LRRTM4: variants seen among roughly 807,000 people sequenced by gnomAD.
The protein encoded by LRRTM4 is leucine-rich repeat transmembrane neuronal protein 4.
In LRRTM4, 25 loss-of-function variants were observed where a neutral mutation model predicts 47.6. The observed-to-expected ratio is 0.53, with a 90% CI of 0.38 to 0.73. LRRTM4 has a LOEUF of 0.73. LRRTM4 is among the 30% of genes least tolerant of loss of function. LRRTM4 has a pLI of 0.00. For synonymous variants in LRRTM4, 311 were observed against 269.5 expected, an observed-to-expected ratio of 1.15 and a Z score of -1.51; for missense variants, 638 against 713.4, an observed-to-expected ratio of 0.89 and a Z score of 1.20.
In LRRTM4 at chr2:77,028,927, C is replaced by T. The variant is rs576653103; in HGVS notation, c.1552-280011G>A. Among the ~76,000 whole-genome samples, 104 of 150,700 alleles carry T rather than the reference C, an allele frequency of 6.9e-4. 1 individual carries two copies. The South Asian group carries it at 0.018, about 26-fold the overall frequency. ...GTGGGGGCCTGTAGTCCCAGCTACT[C>T]GGGAGGCTGAGGCAGGAGAATGGTG... On this transcript the variant is annotated intron_variant, in intron 3 of 3. Coordinates refer to ENST00000409884, the MANE Select transcript of LRRTM4 (RefSeq NM_001134745.3).
chr2:77,195,293 T>C (rs1045008277), intron 3 of LRRTM4, among the ~76,000 whole-genome samples: 10 of 151,918 alleles, frequency 6.6e-5, no homozygotes, highest in Non-Finnish European at 1.5e-4. Flanking sequence ...TCTTAATAAA[T>C]TATTAACATT....
At chr2:77,049,157 T>TATATAC (rs1351971551) in intron 3 of LRRTM4, among the ~76,000 whole-genome samples, 267 of 106,244 alleles carry the variant, frequency 2.5e-3, no homozygotes, top group Middle Eastern at 5.1e-3. Context: ...TATATATATA[T>TATATAC]ACACACACAC....
chr2:76,907,718 T>G (rs538204428), intron 3 of LRRTM4, among the ~76,000 whole-genome samples: 1,519 of 112,754 alleles, frequency 0.013, 11 homozygotes, highest in African/African-American at 0.049. Context: ...CAAACACCTC[T>G]ACGCAAATAA....
chr2:77,088,301 C>T (rs1454207631), intron 3 of LRRTM4, among the ~76,000 whole-genome samples: 1 of 152,146 alleles, frequency 6.6e-6, no homozygotes, highest in Non-Finnish European at 1.5e-5. Flanking sequence ...CCTGAAGTAA[C>T]TTAAGAATCA....
intron 3 of LRRTM4, among the ~76,000 whole-genome samples, chr2:77,193,790 T>C (rs1164450186): frequency 3.9e-5 from 6 of 152,100 alleles, no homozygotes; most frequent in African/African-American, 9.7e-5. Context: ...GAAAAAAATA[T>C]ATATTTTTCA....
At chr2:76,817,999 A>C (rs2103848020) in intron 3 of LRRTM4, among the ~76,000 whole-genome samples, 1 of 152,118 alleles carries the variant, frequency 6.6e-6, no homozygotes, top group East Asian at 1.9e-4. Flanking sequence ...ACTATGAATG[A>C]ATAAAAATCC....
intron 3 of LRRTM4, among the ~76,000 whole-genome samples, chr2:76,875,237 G>C (rs561279995): frequency 6.6e-6 from 1 of 152,150 alleles, no homozygotes; most frequent in East Asian, 1.9e-4. Flanking sequence ...CATTTCTGTG[G>C]TAAGATTTAA....
intron 3 of LRRTM4, among the ~76,000 whole-genome samples, chr2:77,214,390 C>A (rs1674379875): frequency 6.6e-6 from 1 of 152,120 alleles, no homozygotes; most frequent in African/African-American, 2.4e-5. Context: ...AGATAATATA[C>A]TGCTGCCCAG....
chr2:77,410,686 C>A (rs1674384722), intron 3 of LRRTM4, among the ~76,000 whole-genome samples: 1 of 152,226 alleles, frequency 6.6e-6, no homozygotes, highest in Non-Finnish European at 1.5e-5. Flanking sequence ...ACACTATTTT[C>A]TTTTCTACTC....
intron 3 of LRRTM4, among the ~76,000 whole-genome samples, chr2:77,515,922 G>A (rs1679190265): frequency 6.6e-6 from 1 of 151,768 alleles, no homozygotes; most frequent in Non-Finnish European, 1.5e-5. Context: ...ACCTATAACT[G>A]TAATACAGCA....
At chr2:77,484,628 T>C (rs1677841878) in intron 3 of LRRTM4, among the ~76,000 whole-genome samples, 4 of 152,184 alleles carry the variant, frequency 2.6e-5, no homozygotes, top group Admixed American at 2.6e-4. Context: ...TTTAAATGCA[T>C]AATTATGGTT....
At chr2:76,759,797 G>A (rs564216476) in intron 3 of LRRTM4, among the ~76,000 whole-genome samples, 29 of 152,162 alleles carry the variant, frequency 1.9e-4, no homozygotes, top group African/African-American at 3.4e-4. Flanking sequence ...GAGTTTCAGC[G>A]TAAATGTCAT....
intron 3 of LRRTM4, among the ~76,000 whole-genome samples, chr2:77,430,295 T>A (rs945679587): frequency 6.6e-6 from 1 of 152,192 alleles, no homozygotes; most frequent in Non-Finnish European, 1.5e-5. Flanking sequence ...TAAAAAATGG[T>A]CTTATATCCC....
intron 3 of LRRTM4, among the ~76,000 whole-genome samples, chr2:76,763,889 A>C (rs1673355773): frequency 6.6e-6 from 1 of 152,222 alleles, no homozygotes; most frequent in Admixed American, 6.5e-5. Context: ...TAGATGTATT[A>C]TATATATTCT....
intron 3 of LRRTM4, among the ~76,000 whole-genome samples, chr2:77,311,631 A>G (rs775335442): frequency 2.0e-5 from 3 of 152,184 alleles, no homozygotes; most frequent in Non-Finnish European, 4.4e-5. Flanking sequence ...AGGTTGTATG[A>G]ATTGGTTAAA....
At chr2:77,086,920 TCCA>T (rs56038358) in intron 3 of LRRTM4, among the ~76,000 whole-genome samples, 65,443 of 151,742 alleles carry the variant, frequency 0.43, 17,114 homozygotes, top group African/African-American at 0.72. Flanking sequence ...CTAAATAACC[TCCA>T]GAAAAAACAA....
chr2:77,227,731 TCTGG>T (rs1017791537), intron 3 of LRRTM4, among the ~76,000 whole-genome samples: 44 of 152,220 alleles, frequency 2.9e-4, no homozygotes, highest in African/African-American at 9.6e-4. Context: ...TATAGTGTGG[TCTGG>T]CTAATTTTCA....
intron 3 of LRRTM4, among the ~76,000 whole-genome samples, chr2:77,462,737 T>C (rs1161994363): frequency 6.6e-6 from 1 of 152,026 alleles, no homozygotes; most frequent in Non-Finnish European, 1.5e-5. Context: ...ACAAAGTAGG[T>C]CTTGCATCCA....
At chr2:77,179,917 TAA>T (rs1388770855) in intron 3 of LRRTM4, among the ~76,000 whole-genome samples, 1 of 152,102 alleles carries the variant, frequency 6.6e-6, no homozygotes, top group African/African-American at 2.4e-5. Context: ...CAGAAATACA[TAA>T]GTGTATTGTA....
Sources: allele counts gnomAD v4.1 joint callset (sites outside exome capture counted in the v4.1 genomes callset), GRCh38; gene constraint gnomAD v4.1.1; transcripts MANE v1.5; gene names NCBI Gene and HGNC (gene_info 2026-07-23, HGNC 2026-07-21).